SIK2: variants seen among roughly 807,000 people sequenced by gnomAD.
SIK2 encodes salt inducible kinase 2.
Under a neutral mutation model 103.2 loss-of-function variants are expected in SIK2, and 29 were observed. The observed-to-expected ratio is 0.28, with a 90% CI of 0.21 to 0.38. The LOEUF (loss-of-function observed/expected upper bound fraction) is 0.38, where lower values mean the gene tolerates loss of function less well. SIK2 is among the 10% of genes least tolerant of loss of function. SIK2 has a pLI of 1.00. For missense variants in SIK2, 879 were observed against 1,171.0 expected, an observed-to-expected ratio of 0.75 and a Z score of 3.64; for synonymous variants, 412 against 446.1, an observed-to-expected ratio of 0.92 and a Z score of 0.96.
intron 3 of SIK2, among the ~76,000 whole-genome samples, chr11:111,647,758 C>A (rs1942276889): frequency 6.6e-6 from 1 of 151,418 alleles, no homozygotes; most frequent in Non-Finnish European, 1.5e-5. Flanking sequence ...GTCCCAGCTA[C>A]TTGGGAGGCT....
At chr11:111,675,721 T>G (rs1158696911) in intron 3 of SIK2, among the ~76,000 whole-genome samples, 1 of 152,248 alleles carries the variant, frequency 6.6e-6, no homozygotes, top group Non-Finnish European at 1.5e-5. Flanking sequence ...ATCTGTATTC[T>G]TGGGTTCCCA....
At position 111,621,151 on chromosome 11, in the gene SIK2, C is replaced by G. The variant is rs190198638; in HGVS notation, c.316+749C>G. Among the ~76,000 whole-genome samples the G allele has an allele frequency of 1.1e-4, 16 of 152,276 alleles. No individual in the cohort carries two copies. The East Asian group carries it at 3.1e-3, about 29-fold the overall frequency. On this transcript the variant is annotated intron_variant, in intron 3 of 14. Coordinates refer to ENST00000304987, the MANE Select transcript of SIK2 (RefSeq NM_015191.3). Reference sequence around the variant, plus strand: ...GCGTACAATTTAATGTTTTGATACACGTTTGTGAAACAGTCACCACAGTCA... The same window carrying G: ...GCGTACAATTTAATGTTTTGATACAGGTTTGTGAAACAGTCACCACAGTCA...
At chr11:111,687,603 T>A (rs1018940223) in intron 3 of SIK2, among the ~76,000 whole-genome samples, 65 of 137,084 alleles carry the variant, frequency 4.7e-4, no homozygotes, top group East Asian at 1.7e-3. Flanking sequence ...TTGTTTTTTT[T>A]AAAAAAAAAA....
chr11:111,647,985 C>T (rs578166212), intron 3 of SIK2, among the ~76,000 whole-genome samples: 101 of 151,582 alleles, frequency 6.7e-4, no homozygotes, highest in African/African-American at 2.4e-3. Context: ...CCATTTTTAT[C>T]ATATAGTAAA....
chr11:111,730,094 T>C lies in SIK2; in HGVS notation c.*5965T>C, dbSNP rs993318181. Reference sequence around the variant, plus strand: ...ACAGTCAAGCCCCATCAACTAGAAGTGCTTATTACTTTTAGGATTAAAAAA... The same window carrying C: ...ACAGTCAAGCCCCATCAACTAGAAGCGCTTATTACTTTTAGGATTAAAAAA... On this transcript the variant is annotated 3_prime_UTR_variant, in exon 15 of 15. Coordinates refer to ENST00000304987, the MANE Select transcript of SIK2 (RefSeq NM_015191.3). 6.6e-6 allele frequency: 1 copy of C among 152,242 alleles called. No individual in the cohort carries two copies. Among genetic ancestry groups the C allele is most frequent in the Non-Finnish European group, 1.5e-5 (1 of 68,050 alleles). The allele number at this position is 152,242 out of a possible 1,614,324, so 9.4% of individuals were successfully genotyped here. A position where few individuals can be genotyped will look rare whatever the true frequency, so the allele number is the denominator to read the frequency against.
At chr11:111,623,811 C>A (rs1213358952) in intron 3 of SIK2, among the ~76,000 whole-genome samples, 1 of 152,240 alleles carries the variant, frequency 6.6e-6, no homozygotes, top group African/African-American at 2.4e-5. Flanking sequence ...GATCCCTCTG[C>A]AGACCTTTGG....
At chr11:111,613,466 C>G (rs989370491) in intron 1 of SIK2, among the ~76,000 whole-genome samples, 1 of 152,022 alleles carries the variant, frequency 6.6e-6, no homozygotes, top group African/African-American at 2.4e-5. Context: ...TGTGATCTTC[C>G]TAAGGAATAT....
intron 8 of SIK2, among the ~76,000 whole-genome samples, chr11:111,706,951 C>T (rs904004920): frequency 7.1e-6 from 1 of 140,606 alleles, no homozygotes; most frequent in Non-Finnish European, 1.5e-5. Context: ...CAGAGCAGGA[C>T]TCCGTCTCAA....
chr11:111,635,081 G>A (rs1487835581), intron 3 of SIK2, among the ~76,000 whole-genome samples: 1 of 152,142 alleles, frequency 6.6e-6, no homozygotes, highest in Non-Finnish European at 1.5e-5. Flanking sequence ...TAGTTAACTT[G>A]TAGAGAGACT....
Position 111,688,033 on chromosome 11 carries a change from T to A in SIK2, c.349T>A (p.Ser117Thr), listed in dbSNP as rs1329225910. 4 of 1,614,064 alleles carry A rather than the reference T, an allele frequency of 2.5e-6. No individual in the cohort carries two copies. Among genetic ancestry groups the A allele is most frequent in the Non-Finnish European group, 8.5e-7 (1 of 1,180,046 alleles). Residue 117 changes from serine to threonine, a missense_variant, in exon 4 of 15, where the codon TCT (serine) becomes ACT (threonine). By Grantham distance (58) the Ser-to-Thr change is moderately conservative. Transcript: ENST00000304987. This position sits in a 1 kb window ranked among gnomAD's most constrained non-coding sequence, Gnocchi z 4.2. ...TGCTAATCATGGCCGGTTAAATGAGTCTGAAGCCAGGCGAAAATTCTGGCA... is the reference window on the plus strand; with the variant it reads ...TGCTAATCATGGCCGGTTAAATGAGACTGAAGCCAGGCGAAAATTCTGGCA... Reference protein sequence around the residue: ...YLANHGRLNESEARRKFWQIL... With the variant: ...YLANHGRLNETEARRKFWQIL...
rs1247403268 is a variant in SIK2, at chr11:111,728,099, C to T, written c.*3970C>T. 1 of 152,088 alleles carries T rather than the reference C, an allele frequency of 6.6e-6. No individual in the cohort carries two copies. The highest frequency in any genetic ancestry group is 1.5e-5 in the Non-Finnish European group (1 of 68,026). 9.4% of individuals were successfully genotyped at this position (152,088 alleles called of 1,614,324 possible). On this transcript the variant is annotated 3_prime_UTR_variant, in exon 15 of 15. Transcript: ENST00000304987. ...TGTGAACAGTGGCTGACACCGGTGC[C>T]AGGGCTGACCTGCTACACTCAAACT...
intron 3 of SIK2, among the ~76,000 whole-genome samples, chr11:111,627,318 C>G (rs1941974200): frequency 6.6e-6 from 1 of 152,112 alleles, no homozygotes; most frequent in Non-Finnish European, 1.5e-5. Context: ...TACCTGAGGT[C>G]AACTATGGCC....
At chr11:111,697,100 A>G (rs768464504) in intron 4 of SIK2, among the ~76,000 whole-genome samples, 5 of 152,238 alleles carry the variant, frequency 3.3e-5, no homozygotes, top group Non-Finnish European at 5.9e-5. Flanking sequence ...GTGGTTAACA[A>G]TGAAGGCTCG....
At chr11:111,721,737 T>C in intron 12 of SIK2, 93 bp from the exon 13 acceptor site, 1 of 872,376 alleles carries the variant, frequency 1.1e-6, no homozygotes. Context: ...GAGTTGGTAT[T>C]CCTATTGGAC....
intron 1 of SIK2, among the ~76,000 whole-genome samples, chr11:111,603,995 GTCT>G (rs1222493919): frequency 6.6e-6 from 1 of 152,212 alleles, no homozygotes; most frequent in African/African-American, 2.4e-5. Flanking sequence ...ATGTCATTCT[GTCT>G]TCTTTACTTT....
chr11:111,621,038 A>T (rs1382821561), intron 3 of SIK2, among the ~76,000 whole-genome samples: 1 of 152,210 alleles, frequency 6.6e-6, no homozygotes, highest in Non-Finnish European at 1.5e-5. Flanking sequence ...TAGGTATCTA[A>T]ATCTTTTTTG....
chr11:111,677,265 T>C (rs1415975646), intron 3 of SIK2, among the ~76,000 whole-genome samples: 1 of 152,214 alleles, frequency 6.6e-6, no homozygotes, highest in Admixed American at 6.5e-5. Flanking sequence ...TTACTACATA[T>C]ATTGAAATCA....
chr11:111,642,983 G>A (rs1430629357), intron 3 of SIK2, among the ~76,000 whole-genome samples: 2 of 151,668 alleles, frequency 1.3e-5, no homozygotes, highest in African/African-American at 2.4e-5. Context: ...AAATTTCTTC[G>A]TTTTTTTTAT....
chr11:111,602,587 G>A lies in SIK2; in HGVS notation c.24G>A (p.Arg8=), dbSNP rs1363195367. The change falls in exon 1 of 15, where the codon AGG becomes AGA. Residue 8 remains arginine, a synonymous_variant. Coordinates refer to ENST00000304987, the MANE Select transcript of SIK2 (RefSeq NM_015191.3). This position sits in a 1 kb window ranked among gnomAD's most constrained non-coding sequence, Gnocchi z 4.5. ...GCATGGTCATGGCGGATGGCCCGAG[G>A]CACTTGCAGCGCGGGCCGGTCCGGG... The part of the protein sequence containing the change: MVMADGP[R]HLQRGPVRVG... 2.6e-6 allele frequency: 4 copies of A among 1,530,958 alleles called. No homozygotes were observed. Among genetic ancestry groups the A allele is most frequent in the Admixed American group, 2.0e-5 (1 of 50,190 alleles). The allele number at this position is 1,530,958 out of a possible 1,614,324, so 94.8% of individuals were successfully genotyped here. A position where few individuals can be genotyped will look rare whatever the true frequency, so the allele number is the denominator to read the frequency against.
Sources: gnomAD v4.1 joint callset for allele counts (sites outside exome capture counted in the v4.1 genomes callset) on GRCh38, gnomAD v4.1.1 for gene constraint, Gnocchi (gnomAD v3.1) non-coding constraint, MANE v1.5 for transcripts, NCBI Gene and HGNC (gene_info 2026-07-23, HGNC 2026-07-21) for gene names.